The following CYP2C19 variants were observed in gnomAD, a reference collection of about 807,000 sequenced individuals.
The protein encoded by CYP2C19 is cytochrome P450 family 2 subfamily C member 19, also known as cytochrome P450 2C19.
A neutral mutation model predicts 40.9 loss-of-function variants in CYP2C19; 59 were observed. The ratio of observed to expected loss-of-function variants is 1.44; its 90% CI spans 1.17 to 1.79. The LOEUF is 1.79. CYP2C19 is among the 40% of genes most tolerant of loss of function. The probability of loss-of-function intolerance (pLI) is 0.00; values close to 1 mark genes in which losing one functional copy is unlikely to be tolerated. For synonymous variants in CYP2C19, 253 were observed against 208.7 expected, an observed-to-expected ratio of 1.21 and a Z score of -1.83; for missense variants, 754 against 596.9, an observed-to-expected ratio of 1.26 and a Z score of -2.74.
rs528020053 is a variant in CYP2C19, at chr10:94,804,079, G to A, written c.820-16417G>A. On this transcript the variant is annotated intron_variant, in intron 5 of 8. Transcript: ENST00000371321. ...ATACCAAGGAAGAGTGGGGTGGCTA[G>A]GACTGCTGGTCCAGGCAAGTAGATG... Among the ~76,000 whole-genome samples, 7 of 152,256 alleles carry A rather than the reference G, an allele frequency of 4.6e-5. 1 individual carries two copies. The highest frequency in any genetic ancestry group is 2.6e-4 in the Admixed American group (4 of 15,290).
chr10:94,831,857 T>G (rs934187285), intron 6 of CYP2C19, among the ~76,000 whole-genome samples: 1 of 152,214 alleles, frequency 6.6e-6, no homozygotes, highest in Admixed American at 6.5e-5. Context: ...GTAGGTTATC[T>G]CTTCCCTTTG....
chr10:94,812,256 A>T (rs1358773240), intron 5 of CYP2C19, among the ~76,000 whole-genome samples: 5 of 152,176 alleles, frequency 3.3e-5, no homozygotes, highest in African/African-American at 1.2e-4. Flanking sequence ...TGTTAGTCTG[A>T]CAGGCTTCCC....
intron 6 of CYP2C19, among the ~76,000 whole-genome samples, chr10:94,827,430 A>T (rs1441371610): frequency 6.6e-6 from 1 of 151,436 alleles, no homozygotes; most frequent in South Asian, 2.1e-4. Context: ...TTTCTTCTAG[A>T]TTTTCTAGTT....
rs943657018 is a variant in CYP2C19 at position 94,762,939 on chromosome 10, A to G, written c.168+66A>G. On this transcript the variant is annotated intron_variant, in intron 1 of 8. Coordinates refer to ENST00000371321, the MANE Select transcript of CYP2C19 (RefSeq NM_000769.4). ...TTCACCTGTATTTTTTAAATAAAGT[A>G]TATCCCTAGAGGTACAATGTTACAA... 21 of 1,465,002 alleles carry G rather than the reference A, an allele frequency of 1.4e-5. No individual in the cohort carries two copies. In the Admixed American group the frequency reaches 1.7e-4, roughly 12 times the overall value. The allele number at this position is 1,465,002 out of a possible 1,614,324, so 90.8% of individuals were successfully genotyped here.
At chr10:94,822,520 C>A (rs1240618554) in intron 6 of CYP2C19, among the ~76,000 whole-genome samples, 1 of 152,094 alleles carries the variant, frequency 6.6e-6, no homozygotes, top group African/African-American at 2.4e-5. Context: ...TTGTGAATAG[C>A]ACTACAGTGA....
intron 1 of CYP2C19, among the ~76,000 whole-genome samples, chr10:94,764,947 C>T (rs1310014304): frequency 1.3e-5 from 2 of 152,074 alleles, no homozygotes; most frequent in Admixed American, 1.3e-4. Flanking sequence ...TGGGTGGCAT[C>T]TCATACTATT....
chr10:94,774,854 C>T (rs1367361125), intron 1 of CYP2C19: 4 of 596,994 alleles, frequency 6.7e-6, no homozygotes, highest in Non-Finnish European at 8.8e-6. Context: ...TAGCAATTGT[C>T]TGACCATTGC....
chr10:94,763,063 A>G (rs1848194726), intron 1 of CYP2C19, among the ~76,000 whole-genome samples, 190 bp downstream of exon 1: 1 of 152,216 alleles, frequency 6.6e-6, no homozygotes, highest in South Asian at 2.1e-4. Context: ...TTTTGTTATT[A>G]GAGAAAGATT....
chr10:94,841,789 C>A (rs1316822372), intron 6 of CYP2C19, among the ~76,000 whole-genome samples: 1 of 152,116 alleles, frequency 6.6e-6, no homozygotes, highest in Admixed American at 6.5e-5. Context: ...TTTCCATTTA[C>A]TTGTGTAGTT....
At chr10:94,775,716 T>C in intron 3 of CYP2C19, 177 bp downstream of exon 3, 2 of 982,472 alleles carry the variant, frequency 2.0e-6, no homozygotes, top group Non-Finnish European at 3.1e-6. Flanking sequence ...GTGCTGTGTG[T>C]GTACAGGCAT....
intron 6 of CYP2C19, among the ~76,000 whole-genome samples, chr10:94,831,628 T>A (rs1449594213): frequency 1.3e-5 from 2 of 152,210 alleles, no homozygotes; most frequent in Admixed American, 1.3e-4. Flanking sequence ...CATTGTAGTT[T>A]TGATTTACAT....
At position 94,854,790 on chromosome 10, in the gene CYP2C19, T is replaced by TG. The variant is rs1221884965; in HGVS notation, c.*1877dup. ...CTTGCTATTTTCCTACCAAGTAATA[T>TG]GCCAGCAAAACCTCTAAGGTGATAG... On this transcript the variant is annotated 3_prime_UTR_variant, in exon 9 of 9. Coordinates refer to ENST00000371321, the MANE Select transcript of CYP2C19 (RefSeq NM_000769.4). 6.6e-6 allele frequency among the ~76,000 whole-genome samples: 1 copy of TG among 152,104 alleles called. No individual in the cohort carries two copies. The highest frequency in any genetic ancestry group is 1.5e-5 in the Non-Finnish European group (1 of 68,024).
intron 6 of CYP2C19, among the ~76,000 whole-genome samples, chr10:94,823,384 A>C (rs1849160029): frequency 6.6e-6 from 1 of 152,188 alleles, no homozygotes. Context: ...TGTAGGCTAG[A>C]AAGGCAGATT....
intron 6 of CYP2C19, among the ~76,000 whole-genome samples, chr10:94,831,427 T>A (rs2134278219): frequency 6.6e-6 from 1 of 152,334 alleles, no homozygotes; most frequent in South Asian, 2.1e-4. Context: ...TTATTTTTAG[T>A]TTTTTAAAAA....
chr10:94,776,520 TAC>T (rs980663738), intron 3 of CYP2C19: 1 of 152,174 alleles, frequency 6.6e-6, no homozygotes, highest in Admixed American at 6.5e-5. Flanking sequence ...CTGTGAATGA[TAC>T]ACACACACTC....
chr10:94,765,159 G>C (rs368432375), intron 1 of CYP2C19, among the ~76,000 whole-genome samples: 2 of 152,074 alleles, frequency 1.3e-5, no homozygotes, highest in Admixed American at 1.3e-4. Flanking sequence ...GTGGTAGTAG[G>C]ATAATGAAGT....
chr10:94,793,346 C>T (rs145706393), intron 5 of CYP2C19, among the ~76,000 whole-genome samples: 1,852 of 152,236 alleles, frequency 0.012, 54 homozygotes, highest in African/African-American at 0.043. Context: ...TCATCTGAAG[C>T]CTTCTTCTCT....
At chr10:94,833,361 T>G (rs1849358550) in intron 6 of CYP2C19, among the ~76,000 whole-genome samples, 1 of 152,210 alleles carries the variant, frequency 6.6e-6, no homozygotes, top group Non-Finnish European at 1.5e-5. Context: ...ATGCTTTCAG[T>G]TTTCCCCACT....
intron 5 of CYP2C19, among the ~76,000 whole-genome samples, chr10:94,804,148 G>C (rs952894800): frequency 1.3e-5 from 2 of 152,052 alleles, no homozygotes; most frequent in African/African-American, 4.8e-5. Flanking sequence ...AATGGAGAGG[G>C]CTCCACTCCT....
Sources: gnomAD v4.1 joint callset for allele counts (sites outside exome capture counted in the v4.1 genomes callset) on GRCh38, gnomAD v4.1.1 for gene constraint, MANE v1.5 for transcripts, NCBI Gene and HGNC (gene_info 2026-07-23, HGNC 2026-07-21) for gene names.